CPQ: variants seen among roughly 807,000 people sequenced by gnomAD.
CPQ encodes the protein Ser-Met dipeptidase.
In CPQ, 37 loss-of-function variants were observed where a neutral mutation model predicts 45.7. The ratio of observed to expected loss-of-function variants is 0.81; its 90% confidence interval spans 0.62 to 1.07. The LOEUF (loss-of-function observed/expected upper bound fraction) is 1.07, where lower values mean the gene tolerates loss of function less well. CPQ is among the 50% of genes least tolerant of loss of function. The probability of loss-of-function intolerance (pLI) is 0.00; values close to 1 mark genes in which losing one functional copy is unlikely to be tolerated. For missense variants in CPQ, 537 were observed against 572.9 expected (o/e 0.94, Z 0.64); for synonymous variants, 186 against 205.8 (o/e 0.90, Z 0.82).
At chr8:96,956,337 A>T (rs1002688258) in intron 4 of CPQ, among the ~76,000 whole-genome samples, 1 of 152,102 alleles carries the variant, frequency 6.6e-6, no homozygotes, top group Non-Finnish European at 1.5e-5. Flanking sequence ...AAGCATGATT[A>T]TGCTTCATGT....
intron 4 of CPQ, among the ~76,000 whole-genome samples, chr8:96,922,367 G>C (rs191558388): frequency 1.7e-4 from 26 of 152,258 alleles, no homozygotes; most frequent in African/African-American, 5.8e-4. Flanking sequence ...GATGATAAAC[G>C]CTTTTTGCAA....
At chr8:96,945,784 G>A (rs573678465) in intron 4 of CPQ, among the ~76,000 whole-genome samples, 7 of 152,266 alleles carry the variant, frequency 4.6e-5, no homozygotes, top group African/African-American at 1.7e-4. Context: ...TATATGCCTA[G>A]GGAGAAGTCT....
intron 4 of CPQ, among the ~76,000 whole-genome samples, chr8:96,931,500 T>G (rs1005721007): frequency 1.3e-5 from 2 of 152,164 alleles, no homozygotes; most frequent in African/African-American, 4.8e-5. Context: ...ATGCTCACGC[T>G]CCTGGGCCTG....
At chr8:97,038,391 C>T (rs1022008090) in intron 6 of CPQ, among the ~76,000 whole-genome samples, 1 of 152,158 alleles carries the variant, frequency 6.6e-6, no homozygotes, top group African/African-American at 2.4e-5. Flanking sequence ...TGCCTCCCTA[C>T]TCCTAACCAG....
At chr8:96,845,223 A>G (rs1441592018) in intron 3 of CPQ, among the ~76,000 whole-genome samples, 1 of 152,104 alleles carries the variant, frequency 6.6e-6, no homozygotes, top group African/African-American at 2.4e-5. Context: ...ACAGAATCCT[A>G]ATTATATTTG....
chr8:96,853,153 C>T (rs1296962726), intron 3 of CPQ, among the ~76,000 whole-genome samples: 2 of 152,142 alleles, frequency 1.3e-5, no homozygotes, highest in African/African-American at 4.8e-5. Flanking sequence ...CCTCAGTTGC[C>T]ACACAGTTTG....
At chr8:96,790,210 T>G (rs1810828635) in intron 2 of CPQ, among the ~76,000 whole-genome samples, 1 of 152,020 alleles carries the variant, frequency 6.6e-6, no homozygotes, top group African/African-American at 2.4e-5. Context: ...GCTTCTCTCT[T>G]CCCCCAGGAG....
chr8:96,965,585 G>C (rs1168837776), intron 4 of CPQ, among the ~76,000 whole-genome samples: 1 of 151,952 alleles, frequency 6.6e-6, no homozygotes, highest in African/African-American at 2.4e-5. Context: ...TAACCAGGAT[G>C]GTCTTGATCT....
chr8:97,042,800 G>A (rs1810154519), intron 6 of CPQ, among the ~76,000 whole-genome samples: 1 of 152,026 alleles, frequency 6.6e-6, no homozygotes, highest in Admixed American at 6.5e-5. Flanking sequence ...GCGGTTTTGA[G>A]TGAGTTTCTT....
intron 5 of CPQ, among the ~76,000 whole-genome samples, chr8:96,987,644 T>C (rs1457243218): frequency 6.6e-6 from 1 of 152,188 alleles, no homozygotes; most frequent in Admixed American, 6.5e-5. Flanking sequence ...ACAGCCTTGT[T>C]TAAATATGGA....
chr8:97,125,297 A>C (rs903141471), intron 7 of CPQ, among the ~76,000 whole-genome samples: 41 of 152,178 alleles, frequency 2.7e-4, no homozygotes, highest in African/African-American at 9.2e-4. Context: ...TTCCCTAATT[A>C]ATTCTGTGAA....
chr8:96,928,092 C>T (rs1812916935), intron 4 of CPQ, among the ~76,000 whole-genome samples: 1 of 152,164 alleles, frequency 6.6e-6, no homozygotes, highest in African/African-American at 2.4e-5. Flanking sequence ...TGGTGTTTTA[C>T]AACCAACCAA....
At chr8:96,905,164 A>AAGAG (rs940852036) in intron 4 of CPQ, among the ~76,000 whole-genome samples, 14 of 151,516 alleles carry the variant, frequency 9.2e-5, no homozygotes, top group Non-Finnish European at 7.4e-5. Flanking sequence ...TGACAGGAGA[A>AAGAG]AGAGAGAGAG....
intron 5 of CPQ, among the ~76,000 whole-genome samples, chr8:96,970,145 G>T (rs181613625): frequency 1.5e-3 from 234 of 152,330 alleles, no homozygotes; most frequent in African/African-American, 5.4e-3. Context: ...AAAGCCCCAG[G>T]AAATGTAATT....
At chr8:96,664,451 G>A (rs1436441609) in intron 1 of CPQ, among the ~76,000 whole-genome samples, 1 of 152,214 alleles carries the variant, frequency 6.6e-6, no homozygotes, top group African/African-American at 2.4e-5. Flanking sequence ...GAGGCTTAAA[G>A]AGAATGGAAA....
At chr8:96,708,811 A>G (rs994484075) in intron 1 of CPQ, among the ~76,000 whole-genome samples, 3 of 152,102 alleles carry the variant, frequency 2.0e-5, no homozygotes, top group Non-Finnish European at 2.9e-5. Context: ...AGAGTTACGT[A>G]TCTCAATAAA....
intron 7 of CPQ, among the ~76,000 whole-genome samples, chr8:97,102,358 T>C (rs1291578507): frequency 2.6e-5 from 4 of 152,152 alleles, no homozygotes; most frequent in African/African-American, 9.7e-5. Flanking sequence ...ACTGCCTTTT[T>C]CCAGAAGTAG....
chr8:97,087,880 A>C (rs1032375569), intron 7 of CPQ, among the ~76,000 whole-genome samples: 1 of 152,226 alleles, frequency 6.6e-6, no homozygotes, highest in Non-Finnish European at 1.5e-5. Flanking sequence ...TAAATGGTAC[A>C]TTTACAGTAC....
chr8:96,832,304 TAAGGGAATCAG>T lies in CPQ; in HGVS notation c.434-2667_434-2657del, dbSNP rs570509247. Reference sequence around the variant, plus strand: ...TTGTTCTGCAGCTGTACTGTAGGTGTAAGGGAATCAGACTGCTGAGTTCCTATGGGAGAAGG... The same window carrying T: ...TTGTTCTGCAGCTGTACTGTAGGTGTACTGCTGAGTTCCTATGGGAGAAGG... On this transcript the variant is annotated intron_variant, in intron 2 of 7. Coordinates refer to ENST00000220763, the MANE Select transcript of CPQ (RefSeq NM_016134.4). Among the ~76,000 whole-genome samples the T allele has an allele frequency of 1.1e-3, 173 of 152,256 alleles. 1 individual carries two copies. Among genetic ancestry groups the T allele is most frequent in the African/African-American group, 3.3e-3 (139 of 41,560 alleles).
Sources: gnomAD v4.1 joint callset for allele counts (sites outside exome capture counted in the v4.1 genomes callset) on GRCh38, gnomAD v4.1.1 for gene constraint, MANE v1.5 for transcripts, NCBI Gene and HGNC (gene_info 2026-07-23, HGNC 2026-07-21) for gene names.